Variants in USP13 observed in about 807,000 individuals in gnomAD.
The protein encoded by USP13 is ubiquitin carboxyl-terminal hydrolase 13.
A neutral mutation model predicts 107.8 loss-of-function variants in USP13; 68 were observed. That is an observed-to-expected ratio of 0.63 (90% CI 0.52 to 0.77). The LOEUF is 0.77. Among genes scored for constraint, USP13 ranks in the 30% least tolerant of loss-of-function variants. The pLI is 0.00. For synonymous variants in USP13, 377 were observed against 389.5 expected (o/e 0.97, Z 0.38); for missense variants, 945 against 1,093.3 (o/e 0.86, Z 1.91).
intron 10 of USP13, among the ~76,000 whole-genome samples, chr3:179,737,656 A>G (rs1009805225): frequency 6.6e-6 from 1 of 152,208 alleles, no homozygotes; most frequent in Non-Finnish European, 1.5e-5. Context: ...GAAGCCGTGT[A>G]TGTGTGTAAG....
intron 3 of USP13, among the ~76,000 whole-genome samples, chr3:179,699,223 T>C (rs1712421563): frequency 6.6e-6 from 1 of 152,210 alleles, no homozygotes; most frequent in African/African-American, 2.4e-5. Context: ...AATATAAATA[T>C]TGAAGCATTC....
chr3:179,677,322 G>A (rs949186015), intron 1 of USP13, among the ~76,000 whole-genome samples: 25 of 151,564 alleles, frequency 1.6e-4, no homozygotes, highest in Middle Eastern at 3.2e-3. Flanking sequence ...AGTGGCTCAC[G>A]CTGTAATCCC....
chr3:179,653,435 C>G lies in USP13; in HGVS notation c.168+42C>G. On this transcript the variant is annotated intron_variant, in intron 1 of 20. Transcript: ENST00000263966. The surrounding 1 kb of genome is among the most constrained non-coding windows in gnomAD (Gnocchi z 4.0). Reference sequence around the variant, plus strand: ...GGGGGAGGGTCGCGGGGCCGGCGGCCTGCGGCACGTGAAGCCGGGGGAGAA... The same window carrying G: ...GGGGGAGGGTCGCGGGGCCGGCGGCGTGCGGCACGTGAAGCCGGGGGAGAA... 6.5e-7 allele frequency: 1 copy of G among 1,534,368 alleles called. No homozygotes were observed. The highest frequency in any genetic ancestry group is 8.8e-7 in the Non-Finnish European group (1 of 1,137,028).
Position 179,739,522 on chromosome 3 carries a change from G to A in USP13, c.1255-725G>A, listed in dbSNP as rs566850218. ...TATACCCTCATGGAAGGGAAGGGGA[G>A]ATGCTGCAGAGCTCTCCTCTCATTT... On this transcript the variant is annotated intron_variant, in intron 10 of 20. Transcript: ENST00000263966. 3.3e-5 allele frequency among the ~76,000 whole-genome samples: 5 copies of A among 152,328 alleles called. No homozygotes were observed. The East Asian group carries it at 9.6e-4, about 29-fold the overall frequency.
At chr3:179,759,184 T>C (rs962503931) in intron 16 of USP13, among the ~76,000 whole-genome samples, 5 of 151,948 alleles carry the variant, frequency 3.3e-5, no homozygotes, top group Non-Finnish European at 2.9e-5. Context: ...GGTTTCACCA[T>C]GTTAGCTAGG....
intron 20 of USP13, among the ~76,000 whole-genome samples, chr3:179,783,025 G>T (rs551833748): frequency 1.4e-4 from 21 of 152,174 alleles, no homozygotes; most frequent in Non-Finnish European, 2.9e-5. Flanking sequence ...GATTACAGGT[G>T]TGAGTCACCG....
At chr3:179,746,779 G>T (rs934376174) in intron 13 of USP13, among the ~76,000 whole-genome samples, 1 of 151,866 alleles carries the variant, frequency 6.6e-6, no homozygotes, top group African/African-American at 2.4e-5. Flanking sequence ...TAGCCAGGCT[G>T]ATCTGGAACT....
chr3:179,752,829 A>G (rs1181786028), intron 14 of USP13, among the ~76,000 whole-genome samples: 2 of 152,230 alleles, frequency 1.3e-5, no homozygotes, highest in African/African-American at 4.8e-5. Context: ...GTCTCCTCAT[A>G]GGATCTCTCC....
At chr3:179,749,892 T>C (rs1194104604) in intron 13 of USP13, among the ~76,000 whole-genome samples, 1 of 152,228 alleles carries the variant, frequency 6.6e-6, no homozygotes, top group Non-Finnish European at 1.5e-5. Flanking sequence ...TGTCTTTTGG[T>C]TGATTTCACT....
intron 17 of USP13, 33 bp downstream of exon 17, chr3:179,761,288 T>G: frequency 6.2e-7 from 1 of 1,612,668 alleles, no homozygotes. Context: ...GGCTTTGGAG[T>G]CTGATGTGAC....
intron 19 of USP13, among the ~76,000 whole-genome samples, chr3:179,777,303 T>A (rs1244880012): frequency 6.6e-6 from 1 of 152,158 alleles, no homozygotes; most frequent in Non-Finnish European, 1.5e-5. Flanking sequence ...TTGGTATCTG[T>A]GCTTTGTTTC....
chr3:179,741,571 G>A (rs1436748394), intron 11 of USP13, among the ~76,000 whole-genome samples: 1 of 152,054 alleles, frequency 6.6e-6, no homozygotes, highest in South Asian at 2.1e-4. Context: ...TGGCCAGGCT[G>A]GTCTCGAACT....
At chr3:179,696,802 A>C (rs936042785) in intron 3 of USP13, among the ~76,000 whole-genome samples, 20 of 152,096 alleles carry the variant, frequency 1.3e-4, no homozygotes, top group African/African-American at 4.6e-4. Flanking sequence ...GATATGAAGG[A>C]GATAGTAGAG....
intron 13 of USP13, among the ~76,000 whole-genome samples, chr3:179,750,904 C>T (rs771933546): frequency 5.3e-5 from 8 of 152,050 alleles, no homozygotes; most frequent in Non-Finnish European, 8.8e-5. Context: ...GTTTTTTGCC[C>T]CGTGTTCTGT....
chr3:179,729,219 G>A (rs1422845499), intron 8 of USP13, among the ~76,000 whole-genome samples: 4 of 152,092 alleles, frequency 2.6e-5, no homozygotes, highest in African/African-American at 7.2e-5. Flanking sequence ...AAATCACAAA[G>A]AAGAAACGTC....
chr3:179,705,560 G>C (rs1185542638), intron 4 of USP13, among the ~76,000 whole-genome samples: 4 of 152,056 alleles, frequency 2.6e-5, no homozygotes, highest in Admixed American at 2.6e-4. Context: ...TTTTCACTTA[G>C]AATATATTTT....
Position 179,750,320 on chromosome 3 carries a change from A to ATG in USP13, c.1710-1959_1710-1958dup, listed in dbSNP as rs372126922. On this transcript the variant is annotated intron_variant, in intron 13 of 20. Transcript: ENST00000263966. ...TATGTGTGTGTATATATATATATAT[A>ATG]TGTGTGTATATATATATATATATAT... 5.3e-3 allele frequency among the ~76,000 whole-genome samples: 217 copies of ATG among 40,802 alleles called. 2 individuals carry two copies. The East Asian group carries it at 0.11, about 21-fold the overall frequency. The allele number at this position is 40,802 out of a possible 152,430, so 26.8% of individuals were successfully genotyped here.
At chr3:179,750,766 G>C (rs951609189) in intron 13 of USP13, among the ~76,000 whole-genome samples, 12 of 152,120 alleles carry the variant, frequency 7.9e-5, no homozygotes, top group African/African-American at 2.9e-4. Context: ...CATGAACATT[G>C]CACGGCCTGG....
At chr3:179,680,980 T>G (rs771019123) in intron 1 of USP13, among the ~76,000 whole-genome samples, 1 of 97,770 alleles carries the variant, frequency 1.0e-5, no homozygotes, top group Non-Finnish European at 2.3e-5. Flanking sequence ...GGAAGAACGA[T>G]AATAAAATAT....
Sources: allele counts gnomAD v4.1 joint callset (sites outside exome capture counted in the v4.1 genomes callset), GRCh38; gene constraint gnomAD v4.1.1; non-coding constraint Gnocchi (gnomAD v3.1); transcripts MANE v1.5; gene names NCBI Gene and HGNC (gene_info 2026-07-23, HGNC 2026-07-21).